CACNA1D: variants seen among roughly 807,000 people sequenced by gnomAD.
CACNA1D encodes calcium voltage-gated channel subunit alpha1 D, also known as voltage-dependent L-type calcium channel subunit alpha-1D.
In CACNA1D, 55 loss-of-function variants were observed where a neutral mutation model predicts 257.1. The ratio of observed to expected loss-of-function variants is 0.21; its 90% CI spans 0.17 to 0.27. The LOEUF (loss-of-function observed/expected upper bound fraction) is 0.27. Ranked by LOEUF, CACNA1D falls within the 10% of genes least tolerant of loss-of-function variation. The pLI is 1.00. For synonymous variants in CACNA1D, 980 were observed against 1,014.9 expected, an observed-to-expected ratio of 0.97 and a Z score of 0.65; for missense variants, 1,876 against 2,784.0, an observed-to-expected ratio of 0.67 and a Z score of 7.34.
intron 45 of CACNA1D, among the ~76,000 whole-genome samples, chr3:53,805,663 A>G (rs2095558741): frequency 6.6e-6 from 1 of 151,548 alleles, no homozygotes; most frequent in South Asian, 2.1e-4. Context: ...GGCCCCTCCA[A>G]GCCTTATCCT....
At chr3:53,549,333 C>T (rs1042060113) in intron 3 of CACNA1D, among the ~76,000 whole-genome samples, 3 of 152,140 alleles carry the variant, frequency 2.0e-5, no homozygotes, top group Non-Finnish European at 1.5e-5. Flanking sequence ...GGAATGATTT[C>T]CATATGAATT....
chr3:53,756,489 C>T (rs974613856), intron 29 of CACNA1D, among the ~76,000 whole-genome samples: 2 of 152,192 alleles, frequency 1.3e-5, no homozygotes, highest in Non-Finnish European at 2.9e-5. Context: ...GGAGCCGAAG[C>T]GCAAAAGCAT....
intron 9 of CACNA1D, among the ~76,000 whole-genome samples, chr3:53,714,435 T>G (rs1359619700): frequency 1.3e-5 from 2 of 152,256 alleles, no homozygotes; most frequent in East Asian, 1.9e-4. Flanking sequence ...TTTACCTTCA[T>G]GAGTTTGTAT....
At chr3:53,578,539 T>A (rs709320) in intron 3 of CACNA1D, among the ~76,000 whole-genome samples, 131,153 of 152,154 alleles carry the variant, frequency 0.86, 56,597 homozygotes, top group African/African-American at 0.89. Flanking sequence ...GCAGCCTTCA[T>A]CTTTCCTGAA....
chr3:53,763,402 G>A (rs2095314988), intron 30 of CACNA1D, among the ~76,000 whole-genome samples: 1 of 152,174 alleles, frequency 6.6e-6, no homozygotes, highest in African/African-American at 2.4e-5. Flanking sequence ...CTTCTGCCTG[G>A]CTCCCCTTGG....
At chr3:53,658,162 T>A (rs1049999338) in intron 4 of CACNA1D, among the ~76,000 whole-genome samples, 2 of 151,528 alleles carry the variant, frequency 1.3e-5, no homozygotes, top group Admixed American at 6.6e-5. Context: ...TCCTTTCTCA[T>A]CCTGTCCTTA....
At chr3:53,697,158 A>G (rs570084804) in intron 8 of CACNA1D, among the ~76,000 whole-genome samples, 1 of 152,356 alleles carries the variant, frequency 6.6e-6, no homozygotes, top group African/African-American at 2.4e-5. Context: ...GATCTACCAC[A>G]TGAGGCCTGA....
intron 3 of CACNA1D, among the ~76,000 whole-genome samples, chr3:53,533,310 G>A (rs1267313423): frequency 6.6e-6 from 1 of 152,166 alleles, no homozygotes; most frequent in Non-Finnish European, 1.5e-5. Context: ...ACTTTGAGAA[G>A]TAGATCGGGT....
intron 19 of CACNA1D, among the ~76,000 whole-genome samples, chr3:53,734,074 C>T (rs1421578670): frequency 6.9e-6 from 1 of 145,344 alleles, no homozygotes; most frequent in East Asian, 2.0e-4. Flanking sequence ...TTTATTTTCA[C>T]CTAAAGCTAC....
At position 53,723,565 on chromosome 3, in the gene CACNA1D, A is replaced by G; in HGVS notation, c.1798A>G (p.Thr600Ala). The G allele has an allele frequency of 1.2e-6, 2 of 1,613,806 alleles. No homozygotes were observed. The highest frequency in any genetic ancestry group is 1.1e-5 in the South Asian group (1 of 91,040). The stretch of plus-strand genomic sequence containing the variant: ...TTGCTTCGTGGTGTGTGGTGGAATC[A>G]CTGAGACGATCTTGGTGGAACTGGA... Reference protein sequence around the residue: ...FDCFVVCGGITETILVELEIM... With the variant: ...FDCFVVCGGIAETILVELEIM... The change falls in exon 13 of 48, where the codon ACT becomes GCT. Residue 600 changes from threonine (T) to alanine (A), a missense_variant. Around this residue, in one of 10 missense-constraint regions of CACNA1D, gnomAD observed 257 missense variants for 399.7 expected, o/e 0.64. Transcript: ENST00000350061. This position sits in a 1 kb window ranked among gnomAD's most constrained non-coding sequence, Gnocchi z 5.6.
chr3:53,613,058 G>A (rs2093599995), intron 3 of CACNA1D, among the ~76,000 whole-genome samples: 1 of 152,156 alleles, frequency 6.6e-6, no homozygotes, highest in Non-Finnish European at 1.5e-5. Flanking sequence ...TTTTAAAAGT[G>A]AGACAGTTAA....
In CACNA1D at chr3:53,732,889, G is replaced by A; in HGVS notation, c.2548G>A (p.Glu850Lys). 1 of 1,614,068 alleles carries A rather than the reference G, an allele frequency of 6.2e-7. No individual in the cohort carries two copies. Reference sequence around the variant, plus strand: ...CGGACCCCGTCCTCGAAGGATCTCGGAGTTGAACATGAAGGAAAAAATTGC... The same window carrying A: ...CGGACCCCGTCCTCGAAGGATCTCGAAGTTGAACATGAAGGAAAAAATTGC... ...PAGPRPRRIS[E>K]LNMKEKIAPI... Residue 850 changes from glutamate (E) to lysine (K), a missense_variant, in exon 19 of 48, where the codon GAG becomes AAG. By Grantham distance (56) the Glu-to-Lys change is moderately conservative. Around this residue, in one of 10 missense-constraint regions of CACNA1D, gnomAD observed 271 missense variants for 425.5 expected, o/e 0.64. Coordinates refer to ENST00000350061, the MANE Select transcript of CACNA1D (RefSeq NM_001128840.3).
rs1576169575 is a variant in CACNA1D, at chr3:53,633,589, G to A, written c.484-17190G>A. Among the ~76,000 whole-genome samples the A allele has an allele frequency of 3.3e-5, 5 of 152,338 alleles. 1 individual carries two copies. In the South Asian group the frequency reaches 1.0e-3, roughly 32 times the overall value. ...GTGCTCTCCAGCTTAGGGCAAACTGGTAGCCGGGAAGTCATCCAGCTCAAT... is the reference window on the plus strand; with the variant it reads ...GTGCTCTCCAGCTTAGGGCAAACTGATAGCCGGGAAGTCATCCAGCTCAAT... On this transcript the variant is annotated intron_variant, in intron 3 of 47. Coordinates refer to ENST00000350061, the MANE Select transcript of CACNA1D (RefSeq NM_001128840.3).
intron 39 of CACNA1D, among the ~76,000 whole-genome samples, chr3:53,783,720 G>A (rs1226284287): frequency 6.6e-6 from 1 of 152,216 alleles, no homozygotes; most frequent in Non-Finnish European, 1.5e-5. Flanking sequence ...GACAGGGCTT[G>A]GTTCTCCACA....
chr3:53,754,549 T>C (rs77482007), intron 29 of CACNA1D, among the ~76,000 whole-genome samples: 3,417 of 152,344 alleles, frequency 0.022, 133 homozygotes, highest in African/African-American at 0.075. Context: ...GTGCCTGGCA[T>C]GTAGCGCCAC....
At chr3:53,542,699 A>C (rs1396979827) in intron 3 of CACNA1D, among the ~76,000 whole-genome samples, 1 of 152,206 alleles carries the variant, frequency 6.6e-6, no homozygotes, top group East Asian at 1.9e-4. Flanking sequence ...ATAGACAGGA[A>C]AGTAGTCTTT....
At chr3:53,530,559 A>G (rs2091913445) in intron 3 of CACNA1D, among the ~76,000 whole-genome samples, 1 of 152,164 alleles carries the variant, frequency 6.6e-6, no homozygotes, top group South Asian at 2.1e-4. Context: ...GGCACCTATA[A>G]GCAGGGACCT....
chr3:53,675,497 C>A (rs1294528293), intron 8 of CACNA1D, among the ~76,000 whole-genome samples: 1 of 152,266 alleles, frequency 6.6e-6, no homozygotes, highest in East Asian at 1.9e-4. Flanking sequence ...TTTAACAGTG[C>A]CGGTGACATC....
At chr3:53,808,453 C>A in intron 45 of CACNA1D, 196 bp from the exon 46 acceptor site, 3 of 601,408 alleles carry the variant, frequency 5.0e-6, no homozygotes, top group Non-Finnish European at 8.9e-6. Context: ...CTTTAAAAAA[C>A]ATCCCTCACT....
Sources: allele counts gnomAD v4.1 joint callset (sites outside exome capture counted in the v4.1 genomes callset), GRCh38; gene constraint gnomAD v4.1.1; regional missense constraint gnomAD v4.1.1; non-coding constraint Gnocchi (gnomAD v3.1); transcripts MANE v1.5; gene names NCBI Gene and HGNC (gene_info 2026-07-23, HGNC 2026-07-21).